The following CDK15 variants were observed in gnomAD, a reference collection of about 807,000 sequenced individuals.
CDK15 encodes cyclin-dependent kinase 15.
Under a neutral mutation model 60.3 loss-of-function variants are expected in CDK15, and 62 were observed. The observed-to-expected ratio is 1.03, with a 90% CI of 0.84 to 1.27. CDK15 has a LOEUF of 1.27. CDK15 is among the 50% of genes most tolerant of loss of function. CDK15 has a pLI of 0.00. For synonymous variants in CDK15, 194 were observed against 195.7 expected (o/e 0.99, Z 0.07); for missense variants, 541 against 527.8 (o/e 1.03, Z -0.25).
chr2:201,828,956 A>C (rs79191075), intron 6 of CDK15, among the ~76,000 whole-genome samples: 5,717 of 152,284 alleles, frequency 0.038, 256 homozygotes, highest in East Asian at 0.23. Flanking sequence ...TCTGCCAGCT[A>C]TCAGTCAACT....
At chr2:201,829,196 G>T (rs1696643545) in intron 6 of CDK15, among the ~76,000 whole-genome samples, 1 of 151,420 alleles carries the variant, frequency 6.6e-6, no homozygotes, top group African/African-American at 2.4e-5. Context: ...CTTTTTTTTT[G>T]AAATGTTATA....
intron 10 of CDK15, among the ~76,000 whole-genome samples, chr2:201,862,054 G>A (rs1046560025): frequency 3.3e-5 from 5 of 152,210 alleles, no homozygotes; most frequent in Non-Finnish European, 7.4e-5. Context: ...GCCTGAATCC[G>A]CACATCCTAA....
rs575304966 is a variant in CDK15 at position 201,855,834 on chromosome 2, T to C, written c.1009+897T>C. 3.5e-3 allele frequency among the ~76,000 whole-genome samples: 529 copies of C among 151,602 alleles called. 2 individuals carry two copies. Among genetic ancestry groups the C allele is most frequent in the Middle Eastern group, 0.01 (3 of 292 alleles). ...AAATTGTTGTCCTTACTTTTTTTTT[T>C]TTTTTTTTGAGATGGAGTTTTGCTC... is the stretch of plus-strand genomic sequence containing the variant. On this transcript the variant is annotated intron_variant, in intron 10 of 13. Transcript: ENST00000652192.
rs757388965 is a variant in CDK15, at chr2:201,875,788, C to T, written c.1058+3462C>T. On this transcript the variant is annotated intron_variant, in intron 11 of 13. Transcript: ENST00000652192. Reference sequence around the variant, plus strand: ...AAAGGACTGAAGAAAACAAAGACCTCAAGCAATGGTGATTATCTTTGAGTA... The same window carrying T: ...AAAGGACTGAAGAAAACAAAGACCTTAAGCAATGGTGATTATCTTTGAGTA... Among the ~76,000 whole-genome samples the T allele has an allele frequency of 1.6e-4, 24 of 152,270 alleles. No homozygotes were observed. The East Asian group carries it at 4.2e-3, about 27-fold the overall frequency.
intron 4 of CDK15, among the ~76,000 whole-genome samples, chr2:201,814,673 G>A (rs1195564452): frequency 2.0e-5 from 3 of 152,170 alleles, no homozygotes; most frequent in Non-Finnish European, 2.9e-5. Flanking sequence ...AGCTAAAAAG[G>A]CAACCGAAAG....
intron 4 of CDK15, among the ~76,000 whole-genome samples, chr2:201,816,316 T>C (rs1695989143): frequency 6.6e-6 from 1 of 152,110 alleles, no homozygotes; most frequent in East Asian, 1.9e-4. Context: ...ATTCCCATCT[T>C]ATGTCTGTGT....
chr2:201,814,334 G>A (rs1559114086), intron 4 of CDK15, among the ~76,000 whole-genome samples: 2 of 152,144 alleles, frequency 1.3e-5, no homozygotes, highest in Non-Finnish European at 2.9e-5. Flanking sequence ...GACTTTCTTG[G>A]TTTGTTTTAT....
chr2:201,890,985 G>A (rs530314820), intron 13 of CDK15, 58 bp downstream of exon 13: 140 of 860,662 alleles, frequency 1.6e-4, no homozygotes, highest in East Asian at 3.4e-4. Flanking sequence ...AATTGGTGCC[G>A]GGTGGAGAGG....
At chr2:201,841,774 G>A (rs1697396556) in intron 8 of CDK15, among the ~76,000 whole-genome samples, 2 of 152,050 alleles carry the variant, frequency 1.3e-5, no homozygotes, top group East Asian at 3.8e-4. Flanking sequence ...AATAAACAGG[G>A]GCTCTAGTTA....
intron 8 of CDK15, among the ~76,000 whole-genome samples, chr2:201,837,899 C>T (rs1391548648): frequency 2.0e-5 from 3 of 152,156 alleles, no homozygotes; most frequent in African/African-American, 7.2e-5. Flanking sequence ...AGGTTGCAGA[C>T]ATTTTTCTCC....
At chr2:201,861,803 T>C (rs1393173928) in intron 10 of CDK15, among the ~76,000 whole-genome samples, 3 of 152,014 alleles carry the variant, frequency 2.0e-5, no homozygotes, top group African/African-American at 7.2e-5. Flanking sequence ...TCAAGTGATC[T>C]ACCTGCCTCA....
At chr2:201,856,796 C>T (rs1698160250) in intron 10 of CDK15, among the ~76,000 whole-genome samples, 1 of 152,082 alleles carries the variant, frequency 6.6e-6, no homozygotes. Context: ...GCTGCTCCCC[C>T]AAACTTCAGA....
intron 8 of CDK15, among the ~76,000 whole-genome samples, chr2:201,838,920 AT>A (rs1257988971): frequency 1.3e-5 from 2 of 151,770 alleles, no homozygotes; most frequent in Non-Finnish European, 2.9e-5. Context: ...TCTTAAAAAT[AT>A]TTTTTTGTTT....
chr2:201,872,374 T>C lies in CDK15; in HGVS notation c.1058+48T>C, dbSNP rs576725269. ...ATCTTTAAGGGATCTTTAAGCAGGA[T>C]TGGAGAGACATTTCCCTGGATCTCA... On this transcript the variant is annotated intron_variant, in intron 11 of 13. Transcript: ENST00000652192. The C allele has an allele frequency of 7.0e-6, 11 of 1,582,050 alleles. No individual in the cohort carries two copies. In the African/African-American group the frequency reaches 9.4e-5, roughly 14 times the overall value.
intron 4 of CDK15, 100 bp downstream of exon 4, chr2:201,812,662 C>A: frequency 3.4e-6 from 2 of 590,048 alleles, no homozygotes; most frequent in Non-Finnish European, 5.8e-6. Context: ...TTTGATTCTT[C>A]TGGAATACTA....
chr2:201,890,906 G>A lies in CDK15; in HGVS notation c.*12G>A, dbSNP rs769543704. 20 of 1,594,242 alleles carry A rather than the reference G, an allele frequency of 1.3e-5. No individual in the cohort carries two copies. Among genetic ancestry groups the A allele is most frequent in the South Asian group, 8.9e-5 (8 of 90,148 alleles). On this transcript the variant is annotated 3_prime_UTR_variant, in exon 13 of 14. Coordinates refer to ENST00000652192, the MANE Select transcript of CDK15 (RefSeq NM_001366386.2). ...GCAAATGCTGGTGAAAAGAAAGGGC[G>A]AGATCACCAAGGTTCTTCCAGGTAA...
In CDK15 at chr2:201,836,024, A is replaced by ATAT. The variant is rs1355767786; in HGVS notation, c.851+262_851+263insATT. Among the ~76,000 whole-genome samples, 412 of 109,586 alleles carry ATAT rather than the reference A, an allele frequency of 3.8e-3. 2 individuals carry two copies. The highest frequency in any genetic ancestry group is 0.012 in the African/African-American group (326 of 28,092). 71.9% of individuals were successfully genotyped at this position (109,586 alleles called of 152,430 possible). ...TATTTATATTTTTATATTTTTATAT[A>ATAT]TTTATATATATTTTATATATATTTA... On this transcript the variant is annotated intron_variant, in intron 8 of 13. Transcript: ENST00000652192.
chr2:201,823,891 T>TA (rs993245632), intron 6 of CDK15, among the ~76,000 whole-genome samples, 164 bp downstream of exon 6: 7 of 152,060 alleles, frequency 4.6e-5, no homozygotes, highest in East Asian at 1.9e-4. Context: ...TGTTTTTTTT[T>TA]AAAAAGGAAA....
Position 201,833,925 on chromosome 2 carries a change from G to A in CDK15, c.684G>A (p.Gln228=), listed in dbSNP as rs374936163. 2.3e-5 allele frequency: 37 copies of A among 1,613,776 alleles called. No individual in the cohort carries two copies. Among genetic ancestry groups the A allele is most frequent in the Non-Finnish European group, 3.0e-5 (35 of 1,179,948 alleles). The change falls in exon 7 of 14, where the codon CAG becomes CAA. Residue 228 remains glutamine, a synonymous_variant. Transcript: ENST00000652192. ...TTCTTCACAGGGACCTGAAACCTCA[G>A]AACTTACTCATCAGTCACCTGGGAG... ...QHVLHRDLKP[Q]NLLISHLGEL...
Sources: gnomAD v4.1 joint callset for allele counts (sites outside exome capture counted in the v4.1 genomes callset) on GRCh38, gnomAD v4.1.1 for gene constraint, MANE v1.5 for transcripts, NCBI Gene and HGNC (gene_info 2026-07-23, HGNC 2026-07-21) for gene names.